Variants in MIPOL1 observed in about 807,000 individuals in gnomAD.
The protein encoded by MIPOL1 is mirror-image polydactyly 1.
MIPOL1 carries 57 observed loss-of-function variants against 60.9 expected under a neutral mutation model. The ratio of observed to expected loss-of-function variants is 0.94; its 90% CI spans 0.76 to 1.17. The LOEUF is 1.17. Ranked by LOEUF, MIPOL1 falls within the 50% of genes most tolerant of loss-of-function variation. The pLI is 0.00. For synonymous variants in MIPOL1, 179 were observed against 168.8 expected, an observed-to-expected ratio of 1.06 and a Z score of -0.47; for missense variants, 551 against 511.6, an observed-to-expected ratio of 1.08 and a Z score of -0.74.
chr14:37,428,646 T>G (rs1173670122), intron 11 of MIPOL1, among the ~76,000 whole-genome samples: 2 of 150,390 alleles, frequency 1.3e-5, no homozygotes, highest in East Asian at 3.9e-4. Context: ...AAAAAGTGGG[T>G]TTTTTTCCAA....
chr14:37,458,839 G>A (rs1217597703), intron 11 of MIPOL1, among the ~76,000 whole-genome samples: 8 of 143,144 alleles, frequency 5.6e-5, no homozygotes, highest in Admixed American at 3.6e-4. Context: ...GCAACAGAGA[G>A]AGACTGTCAA....
At chr14:37,210,717 G>T (rs552564012) in intron 1 of MIPOL1, among the ~76,000 whole-genome samples, 24 of 152,048 alleles carry the variant, frequency 1.6e-4, no homozygotes, top group Non-Finnish European at 2.8e-4. Flanking sequence ...GGAGCAATAG[G>T]GAAAGTCACA....
At chr14:37,423,084 A>G in intron 11 of MIPOL1, 135 bp downstream of exon 11, 1 of 578,824 alleles carries the variant, frequency 1.7e-6, no homozygotes. Context: ...TTTATAACTA[A>G]AAAAGATTCA....
chr14:37,494,725 T>A (rs2095094312), intron 11 of MIPOL1, among the ~76,000 whole-genome samples: 1 of 152,212 alleles, frequency 6.6e-6, no homozygotes, highest in Non-Finnish European at 1.5e-5. Flanking sequence ...ATGCAAGTTG[T>A]GACATTTAGT....
At chr14:37,378,053 C>A (rs761427407) in intron 10 of MIPOL1, among the ~76,000 whole-genome samples, 1 of 151,982 alleles carries the variant, frequency 6.6e-6, no homozygotes, top group Non-Finnish European at 1.5e-5. Flanking sequence ...TAAATGTTGA[C>A]AGGATGTGGA....
chr14:37,456,110 A>G (rs956614974), intron 11 of MIPOL1, among the ~76,000 whole-genome samples: 3 of 152,028 alleles, frequency 2.0e-5, no homozygotes, highest in African/African-American at 4.8e-5. Context: ...CGTGATATTA[A>G]TATTGGTAAC....
At chr14:37,484,547 A>T (rs549329145) in intron 11 of MIPOL1, among the ~76,000 whole-genome samples, 3 of 152,172 alleles carry the variant, frequency 2.0e-5, no homozygotes, top group African/African-American at 7.2e-5. Context: ...CATGTTGTCC[A>T]GGATGGTCTC....
intron 11 of MIPOL1, among the ~76,000 whole-genome samples, chr14:37,499,261 A>G (rs2095178785): frequency 6.6e-6 from 1 of 152,102 alleles, no homozygotes; most frequent in Non-Finnish European, 1.5e-5. Flanking sequence ...GCATTCATTT[A>G]GTCTTAATTT....
chr14:37,224,131 A>G (rs1969297786), intron 1 of MIPOL1, among the ~76,000 whole-genome samples: 1 of 152,144 alleles, frequency 6.6e-6, no homozygotes. Context: ...TTCTACATGA[A>G]TCATCTCTGA....
chr14:37,467,653 A>C (rs1041777592), intron 11 of MIPOL1, among the ~76,000 whole-genome samples: 1 of 152,176 alleles, frequency 6.6e-6, no homozygotes, highest in Non-Finnish European at 1.5e-5. Context: ...AGACTTAAGG[A>C]AATACAGATT....
intron 9 of MIPOL1, among the ~76,000 whole-genome samples, chr14:37,345,162 G>A (rs911187573): frequency 4.6e-5 from 7 of 152,108 alleles, no homozygotes; most frequent in Non-Finnish European, 1.0e-4. Context: ...CAGTCATACA[G>A]ACTGGAGTGC....
intron 11 of MIPOL1, among the ~76,000 whole-genome samples, chr14:37,470,763 C>A (rs149876209): frequency 6.6e-6 from 1 of 151,860 alleles, no homozygotes; most frequent in Admixed American, 6.6e-5. Context: ...GAGTAGAGGA[C>A]GAGAAGCCCC....
At chr14:37,351,829 G>A (rs2091414784) in intron 9 of MIPOL1, among the ~76,000 whole-genome samples, 1 of 146,548 alleles carries the variant, frequency 6.8e-6, no homozygotes, top group East Asian at 2.0e-4. Context: ...AGATGAGTAG[G>A]TTGTGAAAAT....
Position 37,308,426 on chromosome 14 carries a change from G to A in MIPOL1, c.735G>A (p.Val245=). 1 of 1,605,334 alleles carries A rather than the reference G, an allele frequency of 6.2e-7. No individual in the cohort carries two copies. Among genetic ancestry groups the A allele is most frequent in the Non-Finnish European group, 8.5e-7 (1 of 1,176,440 alleles). ...TTCAGAAGAATGGAGCTATAATTGT[G>A]GATAGAATCTACAAGACCAAGGAAT... The part of the protein sequence containing the change: ...IAIQKNGAII[V]DRIYKTKECK... Residue 245 remains valine, a synonymous_variant, in exon 9 of 13, where the codon GTG becomes GTA. Transcript: ENST00000684589.
At chr14:37,475,007 C>T (rs948506505) in intron 11 of MIPOL1, among the ~76,000 whole-genome samples, 1 of 151,928 alleles carries the variant, frequency 6.6e-6, no homozygotes, top group Non-Finnish European at 1.5e-5. Context: ...CTGTGTCACC[C>T]AGGCTGGAAT....
intron 11 of MIPOL1, among the ~76,000 whole-genome samples, chr14:37,492,941 G>A (rs1016164714): frequency 2.0e-5 from 3 of 151,816 alleles, no homozygotes; most frequent in African/African-American, 7.3e-5. Flanking sequence ...AATTACCCCT[G>A]GTTAAGACCT....
chr14:37,302,309 C>G (rs2086363301), intron 7 of MIPOL1, among the ~76,000 whole-genome samples: 1 of 123,626 alleles, frequency 8.1e-6, no homozygotes, highest in Non-Finnish European at 1.6e-5. Context: ...GACATTCTAA[C>G]AGGTGTGTAG....
At chr14:37,275,023 TTTTA>T (rs1248859934) in intron 6 of MIPOL1, among the ~76,000 whole-genome samples, 1 of 151,252 alleles carries the variant, frequency 6.6e-6, no homozygotes, top group African/African-American at 2.4e-5. Context: ...TACAAAGAAT[TTTTA>T]TTTATTATTT....
intron 10 of MIPOL1, among the ~76,000 whole-genome samples, chr14:37,407,966 C>G (rs1036591245): frequency 6.7e-6 from 1 of 149,242 alleles, no homozygotes; most frequent in Non-Finnish European, 1.5e-5. Context: ...ACTCCTGCCT[C>G]AGCCTCCTGT....
Sources: allele counts gnomAD v4.1 joint callset (sites outside exome capture counted in the v4.1 genomes callset), GRCh38; gene constraint gnomAD v4.1.1; transcripts MANE v1.5; gene names NCBI Gene and HGNC (gene_info 2026-07-23, HGNC 2026-07-21).